The following TTC28 variants were observed in gnomAD, a reference collection of about 807,000 sequenced individuals.
TTC28 encodes the protein tetratricopeptide repeat domain 28.
Under a neutral mutation model 198.0 loss-of-function variants are expected in TTC28, and 61 were observed. The observed-to-expected ratio is 0.31, with a 90% CI of 0.25 to 0.38. The LOEUF is 0.38. TTC28 is among the 10% of genes least tolerant of loss of function. The probability of loss-of-function intolerance (pLI) is 1.00; values close to 1 mark genes in which losing one functional copy is unlikely to be tolerated. For missense variants in TTC28, 2,678 were observed against 3,164.0 expected (o/e 0.85, Z 3.69); for synonymous variants, 1,171 against 1,297.8 (o/e 0.90, Z 2.10).
rs2052062038 is a variant in TTC28, at chr22:28,679,681, G to C, written c.43C>G (p.Pro15Ala). Residue 15 changes from proline (P) to alanine (A), a missense_variant, in exon 1 of 23, where the codon CCG becomes GCG. By Grantham distance (27) the Pro-to-Ala change is conservative (BLOSUM62 -1). Transcript: ENST00000397906. ...PPPAPEPTQG[P>A]TPARSRRRRE... ...CGCCTTCGGCTCCTTGCGGGGGTCGGCCCTTGGGTCGGCTCGGGCGCCGGC... is the reference window on the plus strand; with the variant it reads ...CGCCTTCGGCTCCTTGCGGGGGTCGCCCCTTGGGTCGGCTCGGGCGCCGGC... 1.2e-5 allele frequency: 16 copies of C among 1,327,360 alleles called. No individual in the cohort carries two copies. Among genetic ancestry groups the C allele is most frequent in the Non-Finnish European group, 1.5e-5 (16 of 1,042,958 alleles). The allele number at this position is 1,327,360 out of a possible 1,614,324, so 82.2% of individuals were successfully genotyped here.
chr22:28,670,633 A>G (rs1293153862), intron 1 of TTC28, among the ~76,000 whole-genome samples: 1 of 151,072 alleles, frequency 6.6e-6, no homozygotes, highest in Non-Finnish European at 1.5e-5. Context: ...TGGCTTTTAT[A>G]AATAATATAG....
chr22:28,222,696 C>T (rs1332644274), intron 5 of TTC28, among the ~76,000 whole-genome samples: 1 of 152,202 alleles, frequency 6.6e-6, no homozygotes, highest in Non-Finnish European at 1.5e-5. Context: ...CAGACATGCA[C>T]AACAGTATCA....
intron 5 of TTC28, among the ~76,000 whole-genome samples, chr22:28,265,854 C>A (rs1931647561): frequency 6.6e-6 from 1 of 152,000 alleles, no homozygotes; most frequent in Non-Finnish European, 1.5e-5. Flanking sequence ...GGTGAGGAAG[C>A]CTAAATATTT....
At chr22:28,249,817 T>C (rs1267409166) in intron 5 of TTC28, among the ~76,000 whole-genome samples, 1 of 152,228 alleles carries the variant, frequency 6.6e-6, no homozygotes, top group Non-Finnish European at 1.5e-5. Context: ...AAAAATTCTT[T>C]ATCTATTTTA....
At chr22:28,152,158 C>A (rs1255144977) in intron 6 of TTC28, among the ~76,000 whole-genome samples, 3 of 152,180 alleles carry the variant, frequency 2.0e-5, no homozygotes, top group Admixed American at 1.3e-4. Flanking sequence ...TTGCAAAGTG[C>A]CTAGCTCAAT....
chr22:28,612,225 A>ATTACGTAATG (rs1218531526), intron 2 of TTC28, among the ~76,000 whole-genome samples: 1 of 152,226 alleles, frequency 6.6e-6, no homozygotes, highest in Non-Finnish European at 1.5e-5. Flanking sequence ...CAAGAGAGAC[A>ATTACGTAATG]AAGAAGGCCA....
chr22:28,641,416 G>A (rs1029210215), intron 1 of TTC28, among the ~76,000 whole-genome samples: 1 of 151,964 alleles, frequency 6.6e-6, no homozygotes, highest in African/African-American at 2.4e-5. Flanking sequence ...AGTCACAAAA[G>A]GCCATATACT....
intron 6 of TTC28, among the ~76,000 whole-genome samples, chr22:28,148,179 G>A (rs965800953): frequency 6.6e-6 from 1 of 152,132 alleles, no homozygotes; most frequent in African/African-American, 2.4e-5. Flanking sequence ...TGTAAAGGAG[G>A]GAGAAAATTC....
intron 2 of TTC28, among the ~76,000 whole-genome samples, chr22:28,501,206 A>G (rs975633281): frequency 1.3e-5 from 2 of 152,186 alleles, no homozygotes; most frequent in Admixed American, 1.3e-4. Context: ...AGTAAATATA[A>G]TCATCAGAAA....
At chr22:28,478,940 T>C (rs1484239948) in intron 2 of TTC28, among the ~76,000 whole-genome samples, 3 of 152,196 alleles carry the variant, frequency 2.0e-5, no homozygotes, top group Non-Finnish European at 4.4e-5. Flanking sequence ...AAAATCACCT[T>C]GTTCATTTGT....
intron 2 of TTC28, among the ~76,000 whole-genome samples, chr22:28,338,161 A>T (rs1403322840): frequency 2.6e-5 from 4 of 152,110 alleles, no homozygotes; most frequent in Non-Finnish European, 5.9e-5. Context: ...GAATGTTGAA[A>T]ACTGGCCCCC....
At chr22:28,296,102 TTAA>T in intron 5 of TTC28, 93 bp downstream of exon 5, 1 of 1,298,990 alleles carries the variant, frequency 7.7e-7, no homozygotes, top group Non-Finnish European at 1.0e-6. Context: ...AAGTAATATT[TTAA>T]GATACCTGAA....
At chr22:28,169,518 T>A (rs566811746) in intron 5 of TTC28, among the ~76,000 whole-genome samples, 2 of 152,106 alleles carry the variant, frequency 1.3e-5, no homozygotes. Context: ...ATGTCCTTTG[T>A]AGGGACATGG....
At chr22:28,025,346 A>G (rs905803158) in intron 13 of TTC28, among the ~76,000 whole-genome samples, 3 of 152,192 alleles carry the variant, frequency 2.0e-5, no homozygotes, top group Admixed American at 6.5e-5. Flanking sequence ...TCCATCGGTA[A>G]GCAAACGTAA....
chr22:28,382,487 T>G (rs1407508977), intron 2 of TTC28, among the ~76,000 whole-genome samples: 3 of 152,110 alleles, frequency 2.0e-5, no homozygotes, highest in African/African-American at 7.2e-5. Flanking sequence ...TTTGATTCTT[T>G]GGCAGCATTA....
chr22:28,527,190 G>A (rs959183712), intron 2 of TTC28, among the ~76,000 whole-genome samples: 1 of 152,140 alleles, frequency 6.6e-6, no homozygotes, highest in Non-Finnish European at 1.5e-5. Flanking sequence ...TCAGCCTGAT[G>A]ATCACCTCCC....
At chr22:28,099,558 G>T (rs1284187688) in intron 9 of TTC28, among the ~76,000 whole-genome samples, 3 of 152,154 alleles carry the variant, frequency 2.0e-5, no homozygotes, top group African/African-American at 7.2e-5. Context: ...ACACCAGGTA[G>T]GTCCTTGTGG....
intron 12 of TTC28, among the ~76,000 whole-genome samples, chr22:28,052,917 G>A (rs1017708958): frequency 3.3e-5 from 5 of 152,206 alleles, no homozygotes; most frequent in Admixed American, 2.0e-4. Context: ...TACAAGAGAC[G>A]TAAATATATT....
At chr22:28,386,934 C>T (rs1047263855) in intron 2 of TTC28, among the ~76,000 whole-genome samples, 2 of 152,032 alleles carry the variant, frequency 1.3e-5, no homozygotes, top group African/African-American at 4.8e-5. Flanking sequence ...TGCTGGTGCC[C>T]TGCACCCACT....
Sources: allele counts gnomAD v4.1 joint callset (sites outside exome capture counted in the v4.1 genomes callset), GRCh38; gene constraint gnomAD v4.1.1; transcripts MANE v1.5; gene names NCBI Gene and HGNC (gene_info 2026-07-23, HGNC 2026-07-21).